Variants in CAMTA1 observed in about 807,000 individuals in gnomAD.
CAMTA1 encodes the protein calmodulin-binding transcription activator 1.
In CAMTA1, 27 loss-of-function variants were observed where a neutral mutation model predicts 170.9. The ratio of observed to expected loss-of-function variants is 0.16; its 90% CI spans 0.12 to 0.22. The LOEUF is 0.22. CAMTA1 is among the 10% of genes least tolerant of loss of function. The probability of loss-of-function intolerance (pLI) is 1.00; values close to 1 mark genes in which losing one functional copy is unlikely to be tolerated. For synonymous variants in CAMTA1, 833 were observed against 891.5 expected (o/e 0.93, Z 1.17); for missense variants, 1,619 against 2,217.2 (o/e 0.73, Z 5.42).
At chr1:7,197,678 A>ACACAC (rs57819326) in intron 4 of CAMTA1, among the ~76,000 whole-genome samples, 8 of 139,120 alleles carry the variant, frequency 5.8e-5, no homozygotes, top group East Asian at 4.4e-4. Flanking sequence ...ACACACACAC[A>ACACAC]ATCTACTTGC....
intron 3 of CAMTA1, among the ~76,000 whole-genome samples, chr1:6,903,708 G>A (rs1677639464): frequency 6.6e-6 from 1 of 152,204 alleles, no homozygotes; most frequent in Non-Finnish European, 1.5e-5. Flanking sequence ...TAGAACCTCA[G>A]TGTTACGAAG....
chr1:7,653,318 G>T (rs1341364012), intron 7 of CAMTA1, among the ~76,000 whole-genome samples: 1 of 152,178 alleles, frequency 6.6e-6, no homozygotes, highest in Non-Finnish European at 1.5e-5. Flanking sequence ...CTGGAGTGCA[G>T]TGGCCCGATC....
At chr1:6,823,096 A>G (rs1218684700) in intron 2 of CAMTA1, among the ~76,000 whole-genome samples, 4 of 152,122 alleles carry the variant, frequency 2.6e-5, no homozygotes, top group African/African-American at 9.7e-5. Flanking sequence ...GAATATTTGA[A>G]TTGAGTATAG....
At chr1:7,038,545 C>T (rs924920122) in intron 3 of CAMTA1, among the ~76,000 whole-genome samples, 2 of 152,198 alleles carry the variant, frequency 1.3e-5, no homozygotes, top group African/African-American at 4.8e-5. Context: ...ATTTTACCTG[C>T]CTTATCAATA....
chr1:6,958,105 T>A (rs901429392), intron 3 of CAMTA1, among the ~76,000 whole-genome samples: 2 of 152,160 alleles, frequency 1.3e-5, no homozygotes, highest in African/African-American at 4.8e-5. Context: ...CTTCCCAGAC[T>A]GTGTGGGAGT....
At chr1:7,746,786 G>C (rs1054400579) in intron 18 of CAMTA1, among the ~76,000 whole-genome samples, 25 of 152,282 alleles carry the variant, frequency 1.6e-4, no homozygotes. Flanking sequence ...ACTGGCGCGT[G>C]CCACCACACC....
chr1:7,655,552 C>T (rs1261503831), intron 7 of CAMTA1, among the ~76,000 whole-genome samples: 5 of 144,600 alleles, frequency 3.5e-5, no homozygotes, highest in Non-Finnish European at 6.1e-5. Context: ...ATATGCACAC[C>T]TATACACACA....
chr1:7,446,412 G>A (rs2092682200), intron 5 of CAMTA1, among the ~76,000 whole-genome samples: 1 of 152,212 alleles, frequency 6.6e-6, no homozygotes, highest in South Asian at 2.1e-4. Flanking sequence ...TGGCCTGACT[G>A]AGGCTCAGGA....
At chr1:7,654,553 G>A (rs1225185934) in intron 7 of CAMTA1, among the ~76,000 whole-genome samples, 14 of 103,946 alleles carry the variant, frequency 1.3e-4, no homozygotes, top group South Asian at 6.7e-4. Flanking sequence ...TACACACACC[G>A]GCACACACCT....
intron 6 of CAMTA1, among the ~76,000 whole-genome samples, chr1:7,515,354 G>A (rs761943245): frequency 2.0e-5 from 3 of 152,152 alleles, no homozygotes; most frequent in Admixed American, 6.5e-5. Context: ...CCTAAGTCTC[G>A]GACTGTGGCA....
chr1:7,661,639 G>T (rs1431253951), intron 7 of CAMTA1, 87 bp from the exon 8 acceptor site: 2 of 1,456,058 alleles, frequency 1.4e-6, no homozygotes, highest in African/African-American at 2.8e-5. Flanking sequence ...CTGCCCTCAG[G>T]GAGGGCCTGG....
chr1:7,496,864 C>T (rs1196143743), intron 6 of CAMTA1, among the ~76,000 whole-genome samples: 5 of 151,748 alleles, frequency 3.3e-5, no homozygotes, highest in African/African-American at 1.2e-4. Context: ...CTGCTAGTCA[C>T]TGCACGGTCA....
At chr1:7,447,440 G>C (rs1408991630) in intron 5 of CAMTA1, among the ~76,000 whole-genome samples, 1 of 151,278 alleles carries the variant, frequency 6.6e-6, no homozygotes, top group East Asian at 2.0e-4. Context: ...GGGGGGTGAG[G>C]GGGTGGGGGA....
intron 5 of CAMTA1, among the ~76,000 whole-genome samples, chr1:7,439,734 A>G (rs2092462219): frequency 6.6e-6 from 1 of 152,332 alleles, no homozygotes; most frequent in East Asian, 1.9e-4. Flanking sequence ...GGAAGTGTGC[A>G]GGCCTCTAGG....
rs781280906 is a variant in CAMTA1, at chr1:7,642,627, A to G, written c.664+2074A>G. On this transcript the variant is annotated intron_variant, in intron 7 of 22. Coordinates refer to ENST00000303635, the MANE Select transcript of CAMTA1 (RefSeq NM_015215.4). This position sits in a 1 kb window ranked among gnomAD's most constrained non-coding sequence, Gnocchi z 6.3. ...GCAGAGCCTCAGCTGGGCCAGCGCT[A>G]TGACTGCTGACCAGGAATGCTGGTG... 2.6e-5 allele frequency among the ~76,000 whole-genome samples: 4 copies of G among 152,112 alleles called. No homozygotes were observed. Among genetic ancestry groups the G allele is most frequent in the Non-Finnish European group, 5.9e-5 (4 of 67,984 alleles).
chr1:6,807,306 T>TTA (rs1015811496), intron 1 of CAMTA1, among the ~76,000 whole-genome samples: 9 of 152,224 alleles, frequency 5.9e-5, no homozygotes, highest in African/African-American at 1.9e-4. Context: ...GCTCTGGCCT[T>TTA]TACTCTGTCC....
intron 3 of CAMTA1, among the ~76,000 whole-genome samples, chr1:7,040,534 G>A (rs139067146): frequency 2.4e-3 from 371 of 152,274 alleles, no homozygotes; most frequent in African/African-American, 7.5e-3. Context: ...AGCACCTGAA[G>A]GCATCAGCCT....
chr1:7,016,190 T>C (rs1167352335), intron 3 of CAMTA1, among the ~76,000 whole-genome samples: 2 of 152,200 alleles, frequency 1.3e-5, no homozygotes, highest in African/African-American at 4.8e-5. Context: ...GCAGGCTGGC[T>C]TCTTTCCCTC....
chr1:7,200,887 A>G (rs543072737), intron 4 of CAMTA1, among the ~76,000 whole-genome samples: 43 of 152,318 alleles, frequency 2.8e-4, no homozygotes, highest in African/African-American at 9.9e-4. Context: ...TTTGAAAAAC[A>G]GCTTTATTGT....
Sources: allele counts gnomAD v4.1 joint callset (sites outside exome capture counted in the v4.1 genomes callset), GRCh38; gene constraint gnomAD v4.1.1; non-coding constraint Gnocchi (gnomAD v3.1); transcripts MANE v1.5; gene names NCBI Gene and HGNC (gene_info 2026-07-23, HGNC 2026-07-21).